The following ABCB4 variants were observed in gnomAD, a reference collection of about 807,000 sequenced individuals.
ABCB4 encodes phosphatidylcholine translocator ABCB4.
Under a neutral mutation model 145.7 loss-of-function variants are expected in ABCB4, and 76 were observed. That is an observed-to-expected ratio of 0.52 (90% CI 0.43 to 0.63). The LOEUF is 0.63. Ranked by LOEUF, ABCB4 falls within the 30% of genes least tolerant of loss-of-function variation. ABCB4 has a pLI of 0.00. For missense variants in ABCB4, 1,234 were observed against 1,553.1 expected, an observed-to-expected ratio of 0.79 and a Z score of 3.45; for synonymous variants, 517 against 566.8, an observed-to-expected ratio of 0.91 and a Z score of 1.25.
At chr7:87,463,174 T>C (rs1311249202) in intron 3 of ABCB4, among the ~76,000 whole-genome samples, 1 of 151,960 alleles carries the variant, frequency 6.6e-6, no homozygotes, top group Non-Finnish European at 1.5e-5. Context: ...GGATAAAGGT[T>C]TAAGAAATAT....
chr7:87,406,830 G>A (rs1455368575), intron 25 of ABCB4, among the ~76,000 whole-genome samples: 1 of 152,138 alleles, frequency 6.6e-6, no homozygotes, highest in African/African-American at 2.4e-5. Context: ...CAGGTCTGCT[G>A]TCCCCAGAAT....
chr7:87,424,112 G>C (rs576765385), intron 16 of ABCB4, 60 bp from the exon 17 acceptor site: 8 of 1,611,394 alleles, frequency 5.0e-6, no homozygotes, highest in South Asian at 1.1e-5. Context: ...AGAGTCTGTA[G>C]ACATAGAAAA....
intron 15 of ABCB4, among the ~76,000 whole-genome samples, chr7:87,427,439 G>C (rs11975302): frequency 0.04 from 6,139 of 152,200 alleles, 405 homozygotes; most frequent in African/African-American, 0.14. Context: ...CAACATGCAG[G>C]CTCAGCCTCA....
At chr7:87,418,274 T>C (rs1809138754) in intron 20 of ABCB4, among the ~76,000 whole-genome samples, 1 of 152,224 alleles carries the variant, frequency 6.6e-6, no homozygotes, top group Non-Finnish European at 1.5e-5. Context: ...CTAATTACTA[T>C]TAGCAGCCAT....
chr7:87,391,880 T>C, the ABCB4 span, among the ~76,000 whole-genome samples: 1 of 152,196 alleles, frequency 6.6e-6, no homozygotes, highest in African/African-American at 2.4e-5. Flanking sequence ...CAGTGAAATG[T>C]GTAATTGGAA....
intron 15 of ABCB4, among the ~76,000 whole-genome samples, chr7:87,430,175 T>C (rs1206621074): frequency 2.6e-5 from 4 of 152,088 alleles, no homozygotes; most frequent in Non-Finnish European, 4.4e-5. Context: ...ATATTTAGAA[T>C]AGAGAAATAC....
chr7:87,430,620 A>G (rs549141675), intron 15 of ABCB4, among the ~76,000 whole-genome samples: 57 of 151,928 alleles, frequency 3.8e-4, no homozygotes, highest in African/African-American at 1.3e-3. Context: ...CACCTCCCGG[A>G]TTCAAGCGAT....
the ABCB4 span, among the ~76,000 whole-genome samples, chr7:87,381,610 A>T: frequency 6.6e-6 from 1 of 152,212 alleles, no homozygotes; most frequent in Admixed American, 6.5e-5. Context: ...TCTAGTAAAA[A>T]TAGCAATTAA....
the ABCB4 span, chr7:87,375,604 T>C: frequency 1.9e-6 from 3 of 1,560,076 alleles, no homozygotes; most frequent in Admixed American, 5.0e-5. Flanking sequence ...CTGTACTCTT[T>C]TTTAATCTTC....
At chr7:87,458,848 A>G (rs1812272535) in intron 4 of ABCB4, among the ~76,000 whole-genome samples, 1 of 152,154 alleles carries the variant, frequency 6.6e-6, no homozygotes, top group Admixed American at 6.5e-5. Flanking sequence ...CAAAGTTGGC[A>G]ACTCTCGCGA....
the ABCB4 span, among the ~76,000 whole-genome samples, chr7:87,373,086 T>A: frequency 6.6e-6 from 1 of 152,266 alleles, no homozygotes; most frequent in South Asian, 2.1e-4. Context: ...ATATTAGGGT[T>A]CCAGTTTCTC....
chr7:87,428,076 G>A (rs1047861711), intron 15 of ABCB4, among the ~76,000 whole-genome samples: 2 of 152,064 alleles, frequency 1.3e-5, no homozygotes, highest in African/African-American at 4.8e-5. Context: ...AGTCAAACCA[G>A]ACCACCTCTC....
chr7:87,472,494 G>T, intron 3 of ABCB4, 127 bp downstream of exon 3: 1 of 833,682 alleles, frequency 1.2e-6, no homozygotes, highest in Non-Finnish European at 2.0e-6. Context: ...AAAGTGCTGG[G>T]ATTACAAGTA....
At chr7:87,382,383 T>C in the ABCB4 span, 2 of 1,602,674 alleles carry the variant, frequency 1.2e-6, no homozygotes, top group Non-Finnish European at 8.5e-7. Flanking sequence ...AGGTGATTTT[T>C]CACCGTTCTC....
chr7:87,439,580 T>C (rs1387534207), intron 14 of ABCB4, 87 bp downstream of exon 14: 1 of 1,486,896 alleles, frequency 6.7e-7, no homozygotes, highest in African/African-American at 1.4e-5. Flanking sequence ...TATGTTTCTG[T>C]TTCTCAGCCC....
intron 14 of ABCB4, among the ~76,000 whole-genome samples, chr7:87,437,154 C>T (rs1384618493): frequency 1.3e-5 from 2 of 152,218 alleles, no homozygotes; most frequent in Non-Finnish European, 2.9e-5. Context: ...CTCCTCAAAT[C>T]TGGGCTAGCC....
chr7:87,382,790 G>A, the ABCB4 span, among the ~76,000 whole-genome samples: 7 of 152,122 alleles, frequency 4.6e-5, no homozygotes, highest in Admixed American at 2.6e-4. Context: ...ATCTGAAAGA[G>A]GATTGGTCAT....
At chr7:87,404,778 C>A (rs1192255674) in intron 26 of ABCB4, among the ~76,000 whole-genome samples, 1 of 152,160 alleles carries the variant, frequency 6.6e-6, no homozygotes, top group Non-Finnish European at 1.5e-5. Flanking sequence ...TGTTCAACAT[C>A]ATTTGCCATT....
chr7:87,416,677 A>G (rs149736784), intron 21 of ABCB4, among the ~76,000 whole-genome samples: 1 of 152,158 alleles, frequency 6.6e-6, no homozygotes, highest in African/African-American at 2.4e-5. Flanking sequence ...TCCCAGCCAA[A>G]TCTCTAACTT....
Sources: gnomAD v4.1 joint callset for allele counts (sites outside exome capture counted in the v4.1 genomes callset) on GRCh38, gnomAD v4.1.1 for gene constraint, MANE v1.5 for transcripts, NCBI Gene and HGNC (gene_info 2026-07-23, HGNC 2026-07-21) for gene names.